The following C13orf42 variants were observed in gnomAD, a reference collection of about 807,000 sequenced individuals.
C13orf42 encodes chromosome 13 open reading frame 42, also known as uncharacterized protein C13orf42.
intron 1 of C13orf42, among the ~76,000 whole-genome samples, chr13:51,128,260 A>G (rs1390411861): frequency 6.6e-6 from 1 of 152,250 alleles, no homozygotes; most frequent in Non-Finnish European, 1.5e-5. Context: ...AGAAGCTTGC[A>G]TTCACTTTAC....
chr13:51,096,675 T>C (rs1240336643), intron 1 of C13orf42, among the ~76,000 whole-genome samples: 1 of 152,248 alleles, frequency 6.6e-6, no homozygotes, highest in African/African-American at 2.4e-5. Flanking sequence ...GTTTTGTCCT[T>C]GGACTGTATA....
At chr13:51,119,803 G>C (rs1306256144) in intron 1 of C13orf42, among the ~76,000 whole-genome samples, 1 of 152,148 alleles carries the variant, frequency 6.6e-6, no homozygotes, top group Non-Finnish European at 1.5e-5. Context: ...AGTTTGGGAA[G>C]ATGAAAAGAG....
chr13:51,119,467 A>G (rs1346114157), intron 1 of C13orf42, among the ~76,000 whole-genome samples: 1 of 152,072 alleles, frequency 6.6e-6, no homozygotes, highest in Non-Finnish European at 1.5e-5. Context: ...TGGCGTACAG[A>G]GTGAGAGGGG....
At chr13:51,162,089 G>T in intron 1 of C13orf42, 1 of 333,640 alleles carries the variant, frequency 3.0e-6, no homozygotes, top group Non-Finnish European at 5.9e-6. Flanking sequence ...ACCGTATTTT[G>T]GAAGTTCGTG....
chr13:51,088,072 C>G lies in C13orf42; in HGVS notation c.418G>C (p.Ala140Pro), dbSNP rs1953148574. 2 of 398,688 alleles carry G rather than the reference C, an allele frequency of 5.0e-6. No individual in the cohort carries two copies. Among genetic ancestry groups the G allele is most frequent in the African/African-American group, 2.1e-5 (1 of 48,630 alleles). The allele number at this position is 398,688 out of a possible 1,614,324, so 24.7% of individuals were successfully genotyped here. ...VRSTPKEIKKATPKKYSQFSA... is the reference protein window; with the variant it reads ...VRSTPKEIKKPTPKKYSQFSA... ...AACTGCGAGTATTTCTTTGGGGTTG[C>G]TTTCTGCAAGAGGTGAAGGGGAGAA... The change falls in exon 2 of 4, where the codon GCA (alanine) becomes CCA (proline). Residue 140 changes from alanine to proline, a missense_variant. By Grantham distance (27) the Ala-to-Pro change is conservative. Coordinates refer to ENST00000563710, the MANE Select transcript of C13orf42 (RefSeq NM_001351589.3).
chr13:51,122,912 A>G (rs1015669628), intron 1 of C13orf42, among the ~76,000 whole-genome samples: 3 of 152,226 alleles, frequency 2.0e-5, no homozygotes, highest in African/African-American at 7.2e-5. Context: ...ACCGTCATCT[A>G]AAGTCAAACC....
chr13:51,137,143 T>C (rs1953663818), intron 1 of C13orf42, among the ~76,000 whole-genome samples: 1 of 152,310 alleles, frequency 6.6e-6, no homozygotes, highest in African/African-American at 2.4e-5. Context: ...CTAAAGAGAG[T>C]GCATGTGGAA....
intron 1 of C13orf42, among the ~76,000 whole-genome samples, chr13:51,097,604 T>C (rs1953248886): frequency 6.6e-6 from 1 of 152,164 alleles, no homozygotes. Flanking sequence ...GCTCAGGCTA[T>C]TGTCACAGGA....
At chr13:51,153,305 G>A (rs1953794736) in intron 1 of C13orf42, among the ~76,000 whole-genome samples, 1 of 151,950 alleles carries the variant, frequency 6.6e-6, no homozygotes, top group African/African-American at 2.4e-5. Context: ...TCCTCAGAGT[G>A]TGGGAGCCAG....
At chr13:51,091,030 T>C (rs927017692) in intron 1 of C13orf42, among the ~76,000 whole-genome samples, 1 of 152,194 alleles carries the variant, frequency 6.6e-6, no homozygotes, top group Non-Finnish European at 1.5e-5. Context: ...ATTTCAGCTT[T>C]AGGATTCAAG....
chr13:51,114,950 T>C (rs1413710433), upstream of C13orf42, among the ~76,000 whole-genome samples: 1 of 152,222 alleles, frequency 6.6e-6, no homozygotes, highest in Non-Finnish European at 1.5e-5. Flanking sequence ...TTTGCTTCAC[T>C]GTAGTAACCA....
chr13:51,096,149 G>A (rs558246208), intron 1 of C13orf42, among the ~76,000 whole-genome samples: 238 of 152,300 alleles, frequency 1.6e-3, no homozygotes, highest in Non-Finnish European at 2.9e-3. Context: ...TAATTTTCCA[G>A]AGAGTTTGTC....
At chr13:51,156,098 C>T (rs1168271418) in intron 1 of C13orf42, among the ~76,000 whole-genome samples, 1 of 152,138 alleles carries the variant, frequency 6.6e-6, no homozygotes, top group African/African-American at 2.4e-5. Flanking sequence ...ACCTTGACCC[C>T]ACCCCCGGCC....
intron 1 of C13orf42, among the ~76,000 whole-genome samples, chr13:51,141,552 TACTTTGGGAGGCTGAG>T (rs1953696264): frequency 6.6e-6 from 1 of 152,044 alleles, no homozygotes; most frequent in Non-Finnish European, 1.5e-5. Flanking sequence ...GTAATCTCAG[TACTTTGGGAGGCTGAG>T]GTGGGCGGGT....
rs1953111285 is a variant in C13orf42, at chr13:51,085,422, CG to C, written c.699del (p.Val234TrpfsTer99). On this transcript the variant is annotated frameshift_variant, in exon 3 of 4. Coordinates refer to ENST00000563710, the MANE Select transcript of C13orf42 (RefSeq NM_001351589.3). LOFTEE classifies it high-confidence loss of function. ...GQFRRSTEHR[T>X]VGTQRRLERH... ...CTCTCGAGTCTCCTCTGAGTGCCCA[CG>C]GTCCTGTGCTCGGTGCTCCTTCGAA... 2.5e-6 allele frequency: 1 copy of C among 398,592 alleles called. No homozygotes were observed. The highest frequency in any genetic ancestry group is 4.4e-6 in the Non-Finnish European group (1 of 226,066). The allele number at this position is 398,592 out of a possible 1,614,324, so 24.7% of individuals were successfully genotyped here. A position where few individuals can be genotyped will look rare whatever the true frequency, so the allele number is the denominator to read the frequency against.
At chr13:51,096,368 G>A (rs1252441261) in intron 1 of C13orf42, among the ~76,000 whole-genome samples, 1 of 152,176 alleles carries the variant, frequency 6.6e-6, no homozygotes, top group African/African-American at 2.4e-5. Context: ...CCCTGGGGAT[G>A]TGGCCTTCTC....
chr13:51,104,611 G>T (rs1388640597), intron 1 of C13orf42, among the ~76,000 whole-genome samples: 1 of 152,110 alleles, frequency 6.6e-6, no homozygotes, highest in Non-Finnish European at 1.5e-5. Context: ...TAAAAGTTAT[G>T]TTACATTTAT....
intron 1 of C13orf42, among the ~76,000 whole-genome samples, chr13:51,128,941 GT>G (rs1953595107): frequency 6.6e-6 from 1 of 152,156 alleles, no homozygotes; most frequent in African/African-American, 2.4e-5. Context: ...AGTTAAGTCT[GT>G]TTACCCTACC....
chr13:51,128,981 C>A (rs940397667), intron 1 of C13orf42, among the ~76,000 whole-genome samples: 5 of 152,144 alleles, frequency 3.3e-5, no homozygotes, highest in African/African-American at 9.7e-5. Context: ...AGCTAGATGA[C>A]CCTCTCAGGT....
Sources: gnomAD v4.1 joint callset for allele counts (sites outside exome capture counted in the v4.1 genomes callset) on GRCh38, gnomAD v4.1.1 for gene constraint, MANE v1.5 for transcripts, NCBI Gene and HGNC (gene_info 2026-07-23, HGNC 2026-07-21) for gene names.